Variants in DSCAM observed in about 807,000 individuals in gnomAD.
DSCAM encodes the protein DS cell adhesion molecule, also known as cell adhesion molecule DSCAM.
In DSCAM, 47 loss-of-function variants were observed where a neutral mutation model predicts 217.7. The observed-to-expected ratio is 0.22, with a 90% CI of 0.17 to 0.28. The LOEUF is 0.28. Among genes scored for constraint, DSCAM ranks in the 10% least tolerant of loss-of-function variants. DSCAM has a pLI of 1.00. For synonymous variants in DSCAM, 1,056 were observed against 1,015.3 expected, an observed-to-expected ratio of 1.04 and a Z score of -0.76; for missense variants, 2,080 against 2,618.3, an observed-to-expected ratio of 0.79 and a Z score of 4.49.
intron 9 of DSCAM, among the ~76,000 whole-genome samples, chr21:40,309,995 G>A (rs754440567): frequency 3.3e-5 from 5 of 152,138 alleles, no homozygotes; most frequent in South Asian, 2.1e-4. Flanking sequence ...ATGGCTGCAC[G>A]TTCTAATTAC....
At chr21:40,583,724 G>A (rs989412796) in intron 3 of DSCAM, among the ~76,000 whole-genome samples, 2 of 152,062 alleles carry the variant, frequency 1.3e-5, no homozygotes, top group Non-Finnish European at 2.9e-5. Flanking sequence ...TATACACTAT[G>A]TCCACTGGGT....
chr21:40,642,042 C>CTA (rs574548822), intron 3 of DSCAM, among the ~76,000 whole-genome samples: 20 of 89,228 alleles, frequency 2.2e-4, no homozygotes, highest in Non-Finnish European at 2.3e-4. Flanking sequence ...GACTCTGTCT[C>CTA]AAAAAAAAAA....
chr21:40,731,389 T>C (rs1175163595), intron 1 of DSCAM, among the ~76,000 whole-genome samples: 1 of 152,156 alleles, frequency 6.6e-6, no homozygotes, highest in Non-Finnish European at 1.5e-5. Flanking sequence ...ATGGTCCTCA[T>C]GATAAGGAGG....
chr21:40,292,323 G>A (rs565864556), intron 10 of DSCAM, among the ~76,000 whole-genome samples: 20 of 150,940 alleles, frequency 1.3e-4, no homozygotes, highest in African/African-American at 4.4e-4. Context: ...AGCTGAATCT[G>A]TTTTGTTTAT....
intron 3 of DSCAM, among the ~76,000 whole-genome samples, chr21:40,606,667 C>T (rs74637603): frequency 0.074 from 11,314 of 152,200 alleles, 535 homozygotes; most frequent in Middle Eastern, 0.16. Context: ...AGCTGAGCAG[C>T]CCACTTCTGT....
At chr21:40,363,847 A>G (rs2074796216) in intron 4 of DSCAM, among the ~76,000 whole-genome samples, 1 of 152,110 alleles carries the variant, frequency 6.6e-6, no homozygotes, top group African/African-American at 2.4e-5. Flanking sequence ...AACAAACAAC[A>G]CCATCAACAA....
intron 8 of DSCAM, among the ~76,000 whole-genome samples, chr21:40,316,983 G>A (rs2074204228): frequency 6.6e-6 from 1 of 152,206 alleles, no homozygotes; most frequent in Non-Finnish European, 1.5e-5. Flanking sequence ...GTGATTAGCA[G>A]TGTTATCTTG....
intron 11 of DSCAM, among the ~76,000 whole-genome samples, chr21:40,196,770 G>A (rs57471330): frequency 0.058 from 8,809 of 151,928 alleles, 593 homozygotes; most frequent in African/African-American, 0.17. Context: ...ATTTTTATGA[G>A]TGTTGACTGT....
At chr21:40,440,838 T>A (rs1246809949) in intron 3 of DSCAM, among the ~76,000 whole-genome samples, 1 of 152,124 alleles carries the variant, frequency 6.6e-6, no homozygotes, top group Admixed American at 6.6e-5. Context: ...ATGGAATGAG[T>A]TGACATATGT....
At chr21:40,531,158 C>G (rs2076443328) in intron 3 of DSCAM, among the ~76,000 whole-genome samples, 1 of 152,156 alleles carries the variant, frequency 6.6e-6, no homozygotes, top group African/African-American at 2.4e-5. Flanking sequence ...CCAGCAGAGC[C>G]AAAACCACCA....
intron 5 of DSCAM, among the ~76,000 whole-genome samples, chr21:40,349,922 ATTGT>A (rs75075112): frequency 0.027 from 4,100 of 152,264 alleles, 69 homozygotes; most frequent in Middle Eastern, 0.044. Flanking sequence ...ATGACCTCTG[ATTGT>A]TTAGCAGAAG....
chr21:40,353,962 G>C (rs1326194478), intron 4 of DSCAM, among the ~76,000 whole-genome samples: 1 of 152,204 alleles, frequency 6.6e-6, no homozygotes, highest in African/African-American at 2.4e-5. Flanking sequence ...CAGAGCTTCT[G>C]TTGGTCATTC....
Position 40,480,971 on chromosome 21 carries a change from G to A in DSCAM, c.509-111726C>T, listed in dbSNP as rs970591983. 2.0e-5 allele frequency among the ~76,000 whole-genome samples: 3 copies of A among 152,106 alleles called. No individual in the cohort carries two copies. In the East Asian group the frequency reaches 5.8e-4, roughly 29 times the overall value. ...TCTGGGAAAAAAACAACTCTTTTAG[G>A]CCATGCTTTTGCCCTCTGGGCCTAG... On this transcript the variant is annotated intron_variant, in intron 3 of 32. Transcript: ENST00000400454.
At chr21:40,087,359 T>C in intron 21 of DSCAM, 72 bp from the exon 22 acceptor site, 1 of 1,139,978 alleles carries the variant, frequency 8.8e-7, no homozygotes, top group Non-Finnish European at 1.3e-6. Flanking sequence ...CATGACCTAC[T>C]CAATAAGGGC....
chr21:40,185,177 T>G (rs542182910), intron 14 of DSCAM, among the ~76,000 whole-genome samples: 1 of 152,256 alleles, frequency 6.6e-6, no homozygotes, highest in East Asian at 1.9e-4. Flanking sequence ...TAATGCCACC[T>G]GCCCAGATTG....
chr21:40,645,439 A>G (rs776266926), intron 3 of DSCAM, among the ~76,000 whole-genome samples: 6 of 152,226 alleles, frequency 3.9e-5, no homozygotes, highest in Non-Finnish European at 7.3e-5. Flanking sequence ...AAGGCTGTTA[A>G]TTGAATTAGG....
chr21:40,648,048 C>A (rs2089968696), intron 3 of DSCAM, among the ~76,000 whole-genome samples: 1 of 151,966 alleles, frequency 6.6e-6, no homozygotes, highest in Admixed American at 6.6e-5. Flanking sequence ...AGCAAGAAAA[C>A]AAATAAATAG....
chr21:40,599,666 C>G (rs979555292), intron 3 of DSCAM, among the ~76,000 whole-genome samples: 1 of 151,916 alleles, frequency 6.6e-6, no homozygotes, highest in African/African-American at 2.4e-5. Context: ...ATCAATGAAT[C>G]CAGGAGCTGG....
chr21:40,177,037 A>G (rs60193478), intron 15 of DSCAM, among the ~76,000 whole-genome samples: 69,250 of 152,160 alleles, frequency 0.46, 17,265 homozygotes, highest in African/African-American at 0.68. Flanking sequence ...GGATGGGGCG[A>G]GATTAGAAAA....
Sources: gnomAD v4.1 joint callset for allele counts (sites outside exome capture counted in the v4.1 genomes callset) on GRCh38, gnomAD v4.1.1 for gene constraint, MANE v1.5 for transcripts, NCBI Gene and HGNC (gene_info 2026-07-23, HGNC 2026-07-21) for gene names.